Variants in ANKS3 observed in about 807,000 individuals in gnomAD.
The protein encoded by ANKS3 is ankyrin repeat and sterile alpha motif domain containing 3.
Under a neutral mutation model 80.7 loss-of-function variants are expected in ANKS3, and 62 were observed. The ratio of observed to expected loss-of-function variants is 0.77; its 90% CI spans 0.63 to 0.95. ANKS3 has a LOEUF of 0.95. Ranked by LOEUF, ANKS3 falls within the 40% of genes least tolerant of loss-of-function variation. The probability of loss-of-function intolerance (pLI) is 0.00; values close to 1 mark genes in which losing one functional copy is unlikely to be tolerated. For synonymous variants in ANKS3, 489 were observed against 355.3 expected, an observed-to-expected ratio of 1.38 and a Z score of -4.23; for missense variants, 1,150 against 883.6, an observed-to-expected ratio of 1.30 and a Z score of -3.82.
At chr16:4,711,427 G>A (rs964467682) in intron 7 of ANKS3, among the ~76,000 whole-genome samples, 6 of 151,062 alleles carry the variant, frequency 4.0e-5, no homozygotes, top group Admixed American at 6.6e-5. Flanking sequence ...TTTAAAAGGA[G>A]AAAAAAATTG....
chr16:4,724,857 T>C (rs1270884686), intron 5 of ANKS3, 26 bp from the exon 6 acceptor site: 1 of 1,611,672 alleles, frequency 6.2e-7, no homozygotes, highest in African/African-American at 1.3e-5. Flanking sequence ...CACAGTCAGA[T>C]GATTGGAAGA....
At chr16:4,702,623 T>C (rs1253413448) in intron 8 of ANKS3, among the ~76,000 whole-genome samples, 1 of 152,140 alleles carries the variant, frequency 6.6e-6, no homozygotes, top group South Asian at 2.1e-4. Context: ...CCACGTGTCT[T>C]TATGTCCCTG....
rs200958334 is a variant in ANKS3, at chr16:4,731,841, A to G, written c.-70-262T>C. 2.6e-5 allele frequency among the ~76,000 whole-genome samples: 4 copies of G among 152,088 alleles called. No homozygotes were observed. The East Asian group carries it at 7.7e-4, about 29-fold the overall frequency. ...TCCCCGAGATGGGCCTACATGGGTA[A>G]CGGCACACCAGGAATCCCCAAATCA... On this transcript the variant is annotated intron_variant, in intron 1 of 17. Transcript: ENST00000304283.
At chr16:4,697,566 G>C in intron 15 of ANKS3, 150 bp from the exon 16 acceptor site, 1 of 651,984 alleles carries the variant, frequency 1.5e-6, no homozygotes, top group Non-Finnish European at 2.5e-6. Flanking sequence ...CAAGGCCGAG[G>C]CAGGGAAGCC....
At chr16:4,723,088 A>C (rs1470453236) in intron 6 of ANKS3, among the ~76,000 whole-genome samples, 1 of 152,218 alleles carries the variant, frequency 6.6e-6, no homozygotes, top group East Asian at 1.9e-4. Flanking sequence ...GGTGGGCAGG[A>C]CAACAGACAA....
intron 1 of ANKS3, among the ~76,000 whole-genome samples, chr16:4,732,865 A>G (rs1405937827): frequency 6.6e-6 from 1 of 152,122 alleles, no homozygotes; most frequent in Non-Finnish European, 1.5e-5. Context: ...TGGTACTTAG[A>G]CACAATGGAG....
chr16:4,711,737 A>AAAGG (rs1555470472), intron 7 of ANKS3, among the ~76,000 whole-genome samples: 10 of 150,026 alleles, frequency 6.7e-5, no homozygotes, highest in South Asian at 2.1e-4. Context: ...AAAAAAAAAA[A>AAAGG]GGGAGAAAAT....
At chr16:4,698,248 C>G in intron 14 of ANKS3, 179 bp downstream of exon 14, 1 of 1,147,370 alleles carries the variant, frequency 8.7e-7, no homozygotes, top group Non-Finnish European at 1.2e-6. Flanking sequence ...TTCCCGGACC[C>G]AACTCCTGCC....
intron 7 of ANKS3, among the ~76,000 whole-genome samples, chr16:4,712,917 A>C (rs1248953700): frequency 6.6e-6 from 1 of 152,146 alleles, no homozygotes; most frequent in Non-Finnish European, 1.5e-5. Context: ...AGCCCTAAAG[A>C]ATCAATAACA....
Position 4,702,122 on chromosome 16 carries a change from C to G in ANKS3, c.989G>C (p.Ser330Thr), listed in dbSNP as rs1453232198. Residue 330 changes from serine to threonine, a missense_variant, in exon 9 of 18, where the codon AGC becomes ACC. Ser to Thr is a moderately conservative substitution (Grantham distance 58, BLOSUM62 1). Coordinates refer to ENST00000304283, the MANE Select transcript of ANKS3 (RefSeq NM_133450.4). ...SPINERDVES[S>T]SSSSSREEHA... ...CGTACCCCGACTGCTGCTGCTGCTG[C>G]TGCTCTCCACATCCCGCTCATTGAT... 1.9e-6 allele frequency: 3 copies of G among 1,596,584 alleles called. No homozygotes were observed. The highest frequency in any genetic ancestry group is 1.7e-5 in the Admixed American group (1 of 58,190).
At chr16:4,730,590 G>A (rs553571816) in intron 2 of ANKS3, among the ~76,000 whole-genome samples, 2 of 152,276 alleles carry the variant, frequency 1.3e-5, no homozygotes, top group East Asian at 1.9e-4. Flanking sequence ...GCTTGGACCC[G>A]GTGCGGTGGC....
At chr16:4,701,376 T>G in intron 10 of ANKS3, 58 bp downstream of exon 10, 3 of 1,481,504 alleles carry the variant, frequency 2.0e-6, no homozygotes, top group Non-Finnish European at 2.7e-6. Flanking sequence ...AACTGGGGGA[T>G]GTCAGGCATC....
intron 7 of ANKS3, among the ~76,000 whole-genome samples, chr16:4,707,976 G>A (rs1268948013): frequency 2.6e-5 from 4 of 152,214 alleles, no homozygotes; most frequent in East Asian, 1.9e-4. Context: ...TGAGCCAGGC[G>A]TGGTGGCAGA....
At position 4,726,991 on chromosome 16, in the gene ANKS3, G is replaced by C; in HGVS notation, c.357C>G (p.Tyr119Ter). The C allele has an allele frequency of 6.2e-7, 1 of 1,614,156 alleles. No homozygotes were observed. The highest frequency in any genetic ancestry group is 1.1e-5 in the South Asian group (1 of 91,088). Reference sequence around the variant, plus strand: ...CCTCGTAGCTCACCTGGAGAAGAAAGTAGGCGATGCTCTCGTTGCCACAGC... The same window carrying C: ...CCTCGTAGCTCACCTGGAGAAGAAACTAGGCGATGCTCTCGTTGCCACAGC... ...ASSCGNESIA[Y>*]FLLQQGAELE... The change falls in exon 4 of 18, where the codon TAC becomes TAG. Residue 119 changes from tyrosine to a stop codon, truncating the protein, a stop_gained. Coordinates refer to ENST00000304283, the MANE Select transcript of ANKS3 (RefSeq NM_133450.4). LOFTEE classifies it high-confidence loss of function.
At chr16:4,707,403 T>A (rs1265601167) in intron 7 of ANKS3, among the ~76,000 whole-genome samples, 1 of 151,138 alleles carries the variant, frequency 6.6e-6, no homozygotes, top group Non-Finnish European at 1.5e-5. Context: ...TGCCTCAGCC[T>A]CCCGAGTAGC....
chr16:4,706,459 T>A lies in ANKS3; in HGVS notation c.710-1206A>T, dbSNP rs187948857. ...ACCATGTTGGCCAGGCTGGTCTCGA[T>A]CTCCTGACCTTGTGATCCGCCCACC... On this transcript the variant is annotated intron_variant, in intron 7 of 17. Coordinates refer to ENST00000304283, the MANE Select transcript of ANKS3 (RefSeq NM_133450.4). Among the ~76,000 whole-genome samples, 1,519 of 152,134 alleles carry A rather than the reference T, an allele frequency of 1.0e-2. 31 individuals are homozygous for A. The highest frequency in any genetic ancestry group is 0.034 in the African/African-American group (1,413 of 41,496).
intron 6 of ANKS3, among the ~76,000 whole-genome samples, chr16:4,718,322 T>C (rs2080909977): frequency 6.6e-6 from 1 of 152,136 alleles, no homozygotes; most frequent in Non-Finnish European, 1.5e-5. Context: ...CATTTTAACA[T>C]GAAGGTGGGA....
intron 6 of ANKS3, among the ~76,000 whole-genome samples, chr16:4,718,652 C>G (rs371059249): frequency 2.6e-5 from 4 of 152,216 alleles, no homozygotes; most frequent in African/African-American, 9.6e-5. Flanking sequence ...GCAGGAAAAA[C>G]GTGGGAGAGA....
chr16:4,696,875 A>C lies in ANKS3; in HGVS notation c.*33T>G. 3.9e-6 allele frequency: 3 copies of C among 765,288 alleles called. No individual in the cohort carries two copies. The highest frequency in any genetic ancestry group is 6.5e-6 in the Non-Finnish European group (3 of 461,768). The allele number at this position is 765,288 out of a possible 1,614,324, so 47.4% of individuals were successfully genotyped here. On this transcript the variant is annotated 3_prime_UTR_variant, in exon 18 of 18. Transcript: ENST00000304283. Reference sequence around the variant, plus strand: ...TCCCTGGCACACAGCTTCAGGGTGGACCAATCACCCAACGTCAGATTCTGA... The same window carrying C: ...TCCCTGGCACACAGCTTCAGGGTGGCCCAATCACCCAACGTCAGATTCTGA...
Sources: allele counts gnomAD v4.1 joint callset (sites outside exome capture counted in the v4.1 genomes callset), GRCh38; gene constraint gnomAD v4.1.1; transcripts MANE v1.5; gene names NCBI Gene and HGNC (gene_info 2026-07-23, HGNC 2026-07-21).